Variants in NSD3 observed in about 807,000 individuals in gnomAD.
NSD3 encodes histone-lysine N-methyltransferase NSD3.
A neutral mutation model predicts 160.8 loss-of-function variants in NSD3; 24 were observed. The observed-to-expected ratio is 0.15, with a 90% CI of 0.11 to 0.21. NSD3 has a LOEUF of 0.21. Among genes scored for constraint, NSD3 ranks in the 10% least tolerant of loss-of-function variants. NSD3 has a pLI of 1.00. For synonymous variants in NSD3, 520 were observed against 600.0 expected, an observed-to-expected ratio of 0.87 and a Z score of 1.95; for missense variants, 1,157 against 1,735.9, an observed-to-expected ratio of 0.67 and a Z score of 5.93.
chr8:38,345,828 G>T (rs894472906), intron 2 of NSD3, among the ~76,000 whole-genome samples: 1 of 151,944 alleles, frequency 6.6e-6, no homozygotes, highest in African/African-American at 2.4e-5. Flanking sequence ...AGAATTGCTT[G>T]AACCCTGGAG....
chr8:38,355,635 T>G (rs1371291396), intron 1 of NSD3, among the ~76,000 whole-genome samples: 1 of 152,116 alleles, frequency 6.6e-6, no homozygotes. Context: ...GATGTGGAAG[T>G]AAGGTGTTCT....
At chr8:38,377,927 T>C (rs1010416395) in intron 1 of NSD3, among the ~76,000 whole-genome samples, 1 of 151,406 alleles carries the variant, frequency 6.6e-6, no homozygotes, top group African/African-American at 2.4e-5. Context: ...AGCAAAACTA[T>C]CTCAAAAAAC....
rs533389901 is a variant in NSD3 at position 38,275,632 on chromosome 8, A to C, written c.*9T>G. ...TTCACTTAAATAGAAAGGAGGGGACACCACACATTTATTCTTTTACTTCTT... is the reference window on the plus strand; with the variant it reads ...TTCACTTAAATAGAAAGGAGGGGACCCCACACATTTATTCTTTTACTTCTT... On this transcript the variant is annotated 3_prime_UTR_variant, in exon 24 of 24. Transcript: ENST00000317025. 6.2e-7 allele frequency: 1 copy of C among 1,610,398 alleles called. No individual in the cohort carries two copies. The highest frequency in any genetic ancestry group is 8.5e-7 in the Non-Finnish European group (1 of 1,177,416).
At chr8:38,326,897 T>C in intron 6 of NSD3, 41 bp from the exon 7 acceptor site, 1 of 1,609,492 alleles carries the variant, frequency 6.2e-7, no homozygotes, top group Non-Finnish European at 8.5e-7. Context: ...AAACAGGTGA[T>C]TACCAGGCAA....
chr8:38,344,088 G>C (rs1810453589), intron 2 of NSD3, among the ~76,000 whole-genome samples: 1 of 152,188 alleles, frequency 6.6e-6, no homozygotes, highest in Admixed American at 6.5e-5. Context: ...AATTTCAGTA[G>C]TGATCTCAGG....
In NSD3 at chr8:38,299,427, A is replaced by T. The variant is rs374042188; in HGVS notation, c.2758+17T>A. 1.7e-5 allele frequency: 27 copies of T among 1,602,992 alleles called. No homozygotes were observed. The highest frequency in any genetic ancestry group is 2.0e-5 in the Non-Finnish European group (24 of 1,175,868). On this transcript the variant is annotated intron_variant, in intron 15 of 23. Transcript: ENST00000317025. ...AAATGCAAAAATAAAAGCAAGAGAA[A>T]CTATTTTGATTATTACCTTTCTCAC...
Position 38,271,433 on chromosome 8 carries a change from T to TAACC in NSD3, c.*4207_*4208insGGTT. 6.6e-6 allele frequency: 1 copy of TAACC among 151,958 alleles called. No individual in the cohort carries two copies. Among genetic ancestry groups the TAACC allele is most frequent in the Admixed American group, 6.6e-5 (1 of 15,266 alleles). 9.4% of individuals were successfully genotyped at this position (151,958 alleles called of 1,614,324 possible). A position where few individuals can be genotyped will look rare whatever the true frequency, so the allele number is the denominator to read the frequency against. On this transcript the variant is annotated 3_prime_UTR_variant, in exon 24 of 24. Coordinates refer to ENST00000317025, the MANE Select transcript of NSD3 (RefSeq NM_023034.2). Reference sequence around the variant, plus strand: ...TACCCTTTACCAGGAGAAAGGGGGTTCCCTTTCTCCTGGTACCCCACCCCA... The same window carrying TAACC: ...TACCCTTTACCAGGAGAAAGGGGGTTAACCCCCTTTCTCCTGGTACCCCACCCCA...
At chr8:38,374,272 T>C (rs908982089) in intron 1 of NSD3, among the ~76,000 whole-genome samples, 3 of 152,014 alleles carry the variant, frequency 2.0e-5, no homozygotes, top group African/African-American at 7.2e-5. Context: ...AGCAAGACCC[T>C]GTCTCTAAAA....
At position 38,272,974 on chromosome 8, in the gene NSD3, C is replaced by T. The variant is rs1808518507; in HGVS notation, c.*2667G>A. ...GGAGAACTCCTTGGCACCAGCATGA[C>T]TAAAACCGCTTTTTAGACCATTAAA... On this transcript the variant is annotated 3_prime_UTR_variant, in exon 24 of 24. Transcript: ENST00000317025. 1 of 152,128 alleles carries T rather than the reference C, an allele frequency of 6.6e-6. No individual in the cohort carries two copies. Among genetic ancestry groups the T allele is most frequent in the South Asian group, 2.1e-4 (1 of 4,826 alleles). 9.4% of individuals were successfully genotyped at this position (152,128 alleles called of 1,614,324 possible).
Position 38,290,605 on chromosome 8 carries a change from C to T in NSD3, c.2988G>A (p.Gly996=). Residue 996 remains glycine, a synonymous_variant, in exon 17 of 24, where the codon GGG becomes GGA. Coordinates refer to ENST00000317025, the MANE Select transcript of NSD3 (RefSeq NM_023034.2). ...LNIQGLKHDL[G]DFPVFFFGSH... ...AACCAAAGAAGAATACAGGGAAGTC[C>T]CCCAAGTCATGTTTAAGGCCCTGGA... The T allele has an allele frequency of 6.2e-7, 1 of 1,614,026 alleles. No individual in the cohort carries two copies. The highest frequency in any genetic ancestry group is 2.2e-5 in the East Asian group (1 of 44,878).
At chr8:38,299,262 A>G (rs770506044) in intron 15 of NSD3, among the ~76,000 whole-genome samples, 182 bp downstream of exon 15, 1 of 152,164 alleles carries the variant, frequency 6.6e-6, no homozygotes, top group Non-Finnish European at 1.5e-5. Flanking sequence ...GCAACAATGG[A>G]ATTATTTTAA....
intron 1 of NSD3, among the ~76,000 whole-genome samples, chr8:38,351,223 C>T (rs530479321): frequency 4.1e-4 from 62 of 150,818 alleles, no homozygotes; most frequent in African/African-American, 1.2e-3. Context: ...GTGATCCGCC[C>T]GCCTCAGCCT....
At chr8:38,315,888 G>A in intron 10 of NSD3, 24 bp downstream of exon 10, 1 of 1,611,026 alleles carries the variant, frequency 6.2e-7, no homozygotes, top group Non-Finnish European at 8.5e-7. Context: ...AGAACACTTT[G>A]TCCAGACCCT....
At chr8:38,374,178 G>A (rs2150396775) in intron 1 of NSD3, among the ~76,000 whole-genome samples, 2 of 151,826 alleles carry the variant, frequency 1.3e-5, no homozygotes, top group East Asian at 3.9e-4. Context: ...TCCAGAGGAT[G>A]AGGCTAGGAG....
chr8:38,378,567 G>A (rs530053479), intron 1 of NSD3, among the ~76,000 whole-genome samples: 46 of 152,286 alleles, frequency 3.0e-4, no homozygotes, highest in African/African-American at 9.4e-4. Context: ...GTGTGAACCC[G>A]AGAGGCGGAG....
Position 38,378,296 on chromosome 8 carries a change from G to A in NSD3, c.-45+3503C>T, listed in dbSNP as rs183390687. On this transcript the variant is annotated intron_variant, in intron 1 of 23. Transcript: ENST00000317025. ...CAAGGTGGGCAGATCACGAGGTCAG[G>A]AGTTTGAGACCAGCCTGGCCAACAT... 6.6e-5 allele frequency among the ~76,000 whole-genome samples: 10 copies of A among 152,146 alleles called. No individual in the cohort carries two copies. The East Asian group carries it at 1.9e-3, about 30-fold the overall frequency.
intron 1 of NSD3, among the ~76,000 whole-genome samples, chr8:38,353,234 T>C (rs1463314988): frequency 6.6e-6 from 1 of 152,196 alleles, no homozygotes; most frequent in Non-Finnish European, 1.5e-5. Flanking sequence ...TAGCATACCA[T>C]ATTTACTGAC....
intron 12 of NSD3, among the ~76,000 whole-genome samples, chr8:38,312,431 T>C (rs1489500409): frequency 6.6e-6 from 1 of 152,178 alleles, no homozygotes; most frequent in Non-Finnish European, 1.5e-5. Flanking sequence ...GTTTTAATAC[T>C]GAGATATATG....
chr8:38,274,767 A>T lies in NSD3; in HGVS notation c.*874T>A, dbSNP rs985703039. On this transcript the variant is annotated 3_prime_UTR_variant, in exon 24 of 24. Coordinates refer to ENST00000317025, the MANE Select transcript of NSD3 (RefSeq NM_023034.2). ...GATCCAAATTTTGGTTTATGCCTTC[A>T]TCCCCCTTTAGCTGCCTTAATCAGT... The T allele has an allele frequency of 6.2e-6, 1 of 162,316 alleles. No individual in the cohort carries two copies. Among genetic ancestry groups the T allele is most frequent in the African/African-American group, 2.4e-5 (1 of 41,800 alleles). 10.1% of individuals were successfully genotyped at this position (162,316 alleles called of 1,614,324 possible). A position where few individuals can be genotyped will look rare whatever the true frequency, so the allele number is the denominator to read the frequency against.
Sources: gnomAD v4.1 joint callset for allele counts (sites outside exome capture counted in the v4.1 genomes callset) on GRCh38, gnomAD v4.1.1 for gene constraint, MANE v1.5 for transcripts, NCBI Gene and HGNC (gene_info 2026-07-23, HGNC 2026-07-21) for gene names.